LCP2: variants seen among roughly 807,000 people sequenced by gnomAD.
LCP2 encodes lymphocyte cytosolic protein 2.
In LCP2, 29 loss-of-function variants were observed where a neutral mutation model predicts 74.5. The ratio of observed to expected loss-of-function variants is 0.39; its 90% CI spans 0.29 to 0.53. The LOEUF (loss-of-function observed/expected upper bound fraction) is 0.53, where lower values mean the gene tolerates loss of function less well. LCP2 is among the 20% of genes least tolerant of loss of function. The probability of loss-of-function intolerance (pLI) is 0.72; values close to 1 mark genes in which losing one functional copy is unlikely to be tolerated. For missense variants in LCP2, 604 were observed against 634.6 expected, an observed-to-expected ratio of 0.95 and a Z score of 0.52; for synonymous variants, 228 against 229.5, an observed-to-expected ratio of 0.99 and a Z score of 0.06.
At chr5:170,258,414 T>C in intron 15 of LCP2, 1 of 393,562 alleles carries the variant, frequency 2.5e-6, no homozygotes, top group Non-Finnish European at 4.5e-6. Flanking sequence ...ACACATTGAT[T>C]TTGTTTTTCA....
intron 3 of LCP2, among the ~76,000 whole-genome samples, chr5:170,285,239 G>A (rs1303792391): frequency 1.3e-5 from 2 of 152,026 alleles, no homozygotes; most frequent in African/African-American, 2.4e-5. Flanking sequence ...TTCTGTTTGG[G>A]TCTTTTTTTG....
In LCP2 at chr5:170,246,592, C is replaced by G. The variant is rs933880186; in HGVS notation, c.*2105G>C. 2 of 153,192 alleles carry G rather than the reference C, an allele frequency of 1.3e-5. No homozygotes were observed. Among genetic ancestry groups the G allele is most frequent in the African/African-American group, 4.8e-5 (2 of 41,414 alleles). 9.5% of individuals were successfully genotyped at this position (153,192 alleles called of 1,614,324 possible). ...GTCTTCTATTGTAGACTGGTTCTTC[C>G]AGATAATTGGTAAATGGGAGTAGTT... On this transcript the variant is annotated 3_prime_UTR_variant, in exon 21 of 21. Coordinates refer to ENST00000046794, the MANE Select transcript of LCP2 (RefSeq NM_005565.5).
chr5:170,281,372 C>T (rs752028061), intron 3 of LCP2, among the ~76,000 whole-genome samples: 29 of 152,188 alleles, frequency 1.9e-4, no homozygotes, highest in South Asian at 8.3e-4. Context: ...TTCTGCCTCC[C>T]GGGTTCACGC....
At chr5:170,289,591 T>C (rs1762240526) in intron 2 of LCP2, among the ~76,000 whole-genome samples, 1 of 149,728 alleles carries the variant, frequency 6.7e-6, no homozygotes, top group East Asian at 1.9e-4. Flanking sequence ...TAACTACTCC[T>C]TTTCTTTCTT....
intron 8 of LCP2, chr5:170,267,359 C>A: frequency 2.0e-6 from 1 of 506,912 alleles, no homozygotes; most frequent in Non-Finnish European, 3.6e-6. Flanking sequence ...TAATGTCCTG[C>A]GAGGCCCTGC....
intron 4 of LCP2, 158 bp downstream of exon 4, chr5:170,275,637 G>C (rs752666455): frequency 1.1e-5 from 8 of 698,142 alleles, no homozygotes; most frequent in African/African-American, 1.8e-5. Context: ...AGCAGGGGAG[G>C]GAACCCCTTC....
At chr5:170,264,378 C>T (rs1475506874) in intron 10 of LCP2, among the ~76,000 whole-genome samples, 1 of 152,220 alleles carries the variant, frequency 6.6e-6, no homozygotes, top group Non-Finnish European at 1.5e-5. Flanking sequence ...TCTTTCCCTT[C>T]CTTCCACACC....
At chr5:170,253,500 T>A (rs1389667477) in intron 17 of LCP2, among the ~76,000 whole-genome samples, 2 of 152,214 alleles carry the variant, frequency 1.3e-5, no homozygotes, top group Non-Finnish European at 2.9e-5. Flanking sequence ...AGTGACTAGA[T>A]CCCTTTATAA....
chr5:170,289,700 T>C (rs1762253957), intron 2 of LCP2, among the ~76,000 whole-genome samples: 1 of 142,570 alleles, frequency 7.0e-6, no homozygotes, highest in Non-Finnish European at 1.6e-5. Context: ...TTTCTTTCTT[T>C]CCTTCTTTCT....
chr5:170,272,273 C>T (rs1221412669), intron 6 of LCP2, among the ~76,000 whole-genome samples: 1 of 152,206 alleles, frequency 6.6e-6, no homozygotes, highest in Admixed American at 6.5e-5. Context: ...AATCATTTGG[C>T]TCCTAAATTT....
intron 19 of LCP2, chr5:170,251,534 A>C: frequency 2.6e-6 from 1 of 384,508 alleles, no homozygotes; most frequent in South Asian, 1.9e-5. Flanking sequence ...TTAAAATAGA[A>C]TTAATTGGTA....
At chr5:170,261,422 T>C (rs2338866) in intron 13 of LCP2, among the ~76,000 whole-genome samples, 2,425 of 150,248 alleles carry the variant, frequency 0.016, 84 homozygotes, top group African/African-American at 0.057. Flanking sequence ...TATATATATA[T>C]ACACACTCTA....
chr5:170,270,290 T>G (rs1761873631), intron 7 of LCP2, among the ~76,000 whole-genome samples: 1 of 152,242 alleles, frequency 6.6e-6, no homozygotes, highest in Non-Finnish European at 1.5e-5. Context: ...CTACTCAATA[T>G]CTTCATGTTT....
intron 3 of LCP2, chr5:170,287,636 A>T (rs548450959): frequency 2.9e-6 from 1 of 350,278 alleles, no homozygotes; most frequent in African/African-American, 2.1e-5. Flanking sequence ...GCCATCACTG[A>T]GTCAGTGGTG....
At chr5:170,274,811 C>A (rs998434760) in intron 5 of LCP2, among the ~76,000 whole-genome samples, 4 of 151,976 alleles carry the variant, frequency 2.6e-5, no homozygotes, top group Admixed American at 1.3e-4. Flanking sequence ...CCCGTCTCTA[C>A]TAAAAATACA....
At chr5:170,261,933 ACATTACTCTAAAATGTTATCAAACTC>A (rs1761662111) in intron 13 of LCP2, among the ~76,000 whole-genome samples, 1 of 152,204 alleles carries the variant, frequency 6.6e-6, no homozygotes, top group South Asian at 2.1e-4. Context: ...TTTTTTAAAA[ACATTACTCTAAAATGTTATCAAACTC>A]CATTACTGAG....
intron 15 of LCP2, chr5:170,258,393 T>G: frequency 2.3e-6 from 1 of 428,310 alleles, no homozygotes; most frequent in Non-Finnish European, 4.1e-6. Flanking sequence ...ATCTAGATGA[T>G]ACTCTAAAAT....
intron 20 of LCP2, among the ~76,000 whole-genome samples, chr5:170,250,134 G>A (rs932272877): frequency 2.6e-5 from 4 of 152,154 alleles, no homozygotes; most frequent in African/African-American, 9.7e-5. Context: ...AGTATGTTTG[G>A]GGCGTTACCT....
rs1296933739 is a variant in LCP2 at position 170,251,813 on chromosome 5, A to AT, written c.1323+620dup. The AT allele has an allele frequency of 9.1e-6, 3 of 329,150 alleles. No homozygotes were observed. The East Asian group carries it at 2.2e-4, about 25-fold the overall frequency. The allele number at this position is 329,150 out of a possible 1,614,324, so 20.4% of individuals were successfully genotyped here. A position where few individuals can be genotyped will look rare whatever the true frequency, so the allele number is the denominator to read the frequency against. ...CTCAAGGTGAGACCCAGGAATCGGG[A>AT]TTTTTCAAAAGTTCTCCGGGTGATC... On this transcript the variant is annotated intron_variant, in intron 19 of 20. Coordinates refer to ENST00000046794, the MANE Select transcript of LCP2 (RefSeq NM_005565.5).
Sources: allele counts gnomAD v4.1 joint callset (sites outside exome capture counted in the v4.1 genomes callset), GRCh38; gene constraint gnomAD v4.1.1; transcripts MANE v1.5; gene names NCBI Gene and HGNC (gene_info 2026-07-23, HGNC 2026-07-21).